KCNG2: variants seen among roughly 807,000 people sequenced by gnomAD.
KCNG2 encodes potassium voltage-gated channel modifier subfamily G member 2, also known as voltage-gated potassium channel regulatory subunit KCNG2.
A neutral mutation model predicts 12.3 loss-of-function variants in KCNG2; 7 were observed. The observed-to-expected ratio is 0.57, with a 90% CI of 0.32 to 1.07. KCNG2 has a LOEUF of 1.07. KCNG2 is among the 50% of genes least tolerant of loss of function. The pLI is 0.04. For synonymous variants in KCNG2, 414 were observed against 351.4 expected (o/e 1.18, Z -1.99); for missense variants, 703 against 726.0 (o/e 0.97, Z 0.36).
intron 3 of KCNG2, among the ~76,000 whole-genome samples, chr18:79,897,247 C>T (rs759244475): frequency 1.3e-5 from 2 of 152,000 alleles, no homozygotes; most frequent in Non-Finnish European, 2.9e-5. Flanking sequence ...CTTCCTAAAG[C>T]GCTGTTTGGT....
chr18:79,840,306 C>G (rs1978420206), intron 1 of KCNG2, among the ~76,000 whole-genome samples: 1 of 152,042 alleles, frequency 6.6e-6, no homozygotes, highest in African/African-American at 2.4e-5. Flanking sequence ...CATACAAAAT[C>G]AATACACTAG....
intron 1 of KCNG2, among the ~76,000 whole-genome samples, chr18:79,831,531 G>T (rs1227136948): frequency 4.2e-5 from 5 of 118,426 alleles, no homozygotes; most frequent in African/African-American, 9.1e-5. Flanking sequence ...GTTCCCTGCG[G>T]ACAGAGCCTT....
At chr18:79,799,390 C>T (rs1248496065) in intron 1 of KCNG2, among the ~76,000 whole-genome samples, 1 of 152,124 alleles carries the variant, frequency 6.6e-6, no homozygotes, top group African/African-American at 2.4e-5. Context: ...ACACAGCTGG[C>T]CTCTGAAGGT....
chr18:79,809,323 G>A (rs1389195046), intron 1 of KCNG2, among the ~76,000 whole-genome samples: 8 of 100,082 alleles, frequency 8.0e-5, no homozygotes, highest in East Asian at 7.2e-4. Context: ...CAGAGTCCGC[G>A]CTCTGAGGAG....
At chr18:79,841,822 G>A (rs912209164) in intron 1 of KCNG2, among the ~76,000 whole-genome samples, 4 of 152,202 alleles carry the variant, frequency 2.6e-5, no homozygotes, top group African/African-American at 7.2e-5. Context: ...TGAGAGATTA[G>A]CACCTGAATG....
chr18:79,811,410 A>G (rs1453870645), intron 1 of KCNG2, among the ~76,000 whole-genome samples: 1 of 152,266 alleles, frequency 6.6e-6, no homozygotes, highest in Non-Finnish European at 1.5e-5. Context: ...AATTCTAGAA[A>G]TAAACCTATA....
chr18:79,891,542 C>T (rs1980745031), intron 3 of KCNG2, among the ~76,000 whole-genome samples: 1 of 152,210 alleles, frequency 6.6e-6, no homozygotes, highest in Non-Finnish European at 1.5e-5. Flanking sequence ...CTAAGCATTA[C>T]TTTAGCTGCA....
chr18:79,863,477 G>C (rs940814198), intron 2 of KCNG2, among the ~76,000 whole-genome samples, 151 bp from the exon 3 acceptor site: 1 of 152,246 alleles, frequency 6.6e-6, no homozygotes, highest in African/African-American at 2.4e-5. Context: ...GCAGAGGTCG[G>C]GCCTGCGGAG....
intron 1 of KCNG2, among the ~76,000 whole-genome samples, chr18:79,832,287 C>T (rs371018830): frequency 2.0e-5 from 3 of 150,792 alleles, no homozygotes; most frequent in Non-Finnish European, 4.4e-5. Flanking sequence ...CCTGCCCTCA[C>T]CTGCCCATCC....
intron 3 of KCNG2, among the ~76,000 whole-genome samples, chr18:79,888,442 G>A (rs1347424338): frequency 5.3e-5 from 6 of 113,224 alleles, no homozygotes; most frequent in Non-Finnish European, 8.5e-5. Context: ...GGGCCGGGAC[G>A]GCGGCGTCCT....
At chr18:79,848,950 G>A (rs1368955181) in intron 1 of KCNG2, among the ~76,000 whole-genome samples, 1 of 152,150 alleles carries the variant, frequency 6.6e-6, no homozygotes. Flanking sequence ...ACCGCCTGGC[G>A]CCTGTGAATT....
At chr18:79,875,670 C>T (rs1980041462) in intron 3 of KCNG2, among the ~76,000 whole-genome samples, 1 of 152,188 alleles carries the variant, frequency 6.6e-6, no homozygotes, top group Admixed American at 6.5e-5. Context: ...TTGGGGACAG[C>T]GGTCCTGAGT....
At chr18:79,811,372 G>T (rs1283074604) in intron 1 of KCNG2, among the ~76,000 whole-genome samples, 1 of 152,154 alleles carries the variant, frequency 6.6e-6, no homozygotes, top group African/African-American at 2.4e-5. Flanking sequence ...CATAAGGAGA[G>T]ACATATTGAT....
intron 3 of KCNG2, among the ~76,000 whole-genome samples, chr18:79,868,663 C>A (rs1196187087): frequency 6.6e-6 from 1 of 152,178 alleles, no homozygotes; most frequent in Non-Finnish European, 1.5e-5. Flanking sequence ...CACCTTTTGT[C>A]CACTTGATTG....
chr18:79,897,684 C>G (rs1464667171), intron 3 of KCNG2, among the ~76,000 whole-genome samples: 1 of 152,146 alleles, frequency 6.6e-6, no homozygotes, highest in Non-Finnish European at 1.5e-5. Flanking sequence ...ACATTTTAGA[C>G]AAGATATTCT....
chr18:79,856,798 C>T (rs1457393084), intron 2 of KCNG2, among the ~76,000 whole-genome samples: 3 of 151,986 alleles, frequency 2.0e-5, no homozygotes, highest in South Asian at 4.2e-4. Flanking sequence ...TGAGGCAGCA[C>T]GTTCAGACGA....
intron 1 of KCNG2, among the ~76,000 whole-genome samples, chr18:79,805,828 G>C (rs1014056826): frequency 2.6e-4 from 39 of 151,956 alleles, no homozygotes; most frequent in African/African-American, 9.4e-4. Context: ...CTAGTTGTGG[G>C]GGAGGAGGAA....
intron 3 of KCNG2, among the ~76,000 whole-genome samples, chr18:79,887,757 C>T (rs1035946030): frequency 2.0e-5 from 3 of 152,162 alleles, no homozygotes; most frequent in Non-Finnish European, 4.4e-5. Context: ...GCAGGGGCTC[C>T]CTCGGGCACA....
intron 2 of KCNG2, among the ~76,000 whole-genome samples, chr18:79,857,732 C>G (rs1005674589): frequency 9.2e-5 from 14 of 152,012 alleles, no homozygotes; most frequent in African/African-American, 3.4e-4. Flanking sequence ...CTGGATCCCC[C>G]CGAGACCTAC....
Sources: gnomAD v4.1 joint callset for allele counts (sites outside exome capture counted in the v4.1 genomes callset) on GRCh38, gnomAD v4.1.1 for gene constraint, MANE v1.5 for transcripts, NCBI Gene and HGNC (gene_info 2026-07-23, HGNC 2026-07-21) for gene names.